The following ABTB2 variants were observed in gnomAD, a reference collection of about 807,000 sequenced individuals.
ABTB2 encodes the protein ankyrin repeat and BTB/POZ domain-containing protein 2.
ABTB2 carries 56 observed loss-of-function variants against 104.1 expected under a neutral mutation model. The ratio of observed to expected loss-of-function variants is 0.54; its 90% CI spans 0.43 to 0.67. The LOEUF is 0.67. Ranked by LOEUF, ABTB2 falls within the 30% of genes least tolerant of loss-of-function variation. The probability of loss-of-function intolerance (pLI) is 0.00; values close to 1 mark genes in which losing one functional copy is unlikely to be tolerated. For missense variants in ABTB2, 1,279 were observed against 1,407.7 expected (o/e 0.91, Z 1.46); for synonymous variants, 606 against 608.2 (o/e 1.00, Z 0.05).
At chr11:34,158,619 G>A (rs1393153331) in intron 14 of ABTB2, among the ~76,000 whole-genome samples, 2 of 152,236 alleles carry the variant, frequency 1.3e-5, no homozygotes, top group African/African-American at 4.8e-5. Flanking sequence ...GAGACCTGCA[G>A]TTGCTACTTT....
At chr11:34,230,494 G>A (rs1402847341) in intron 1 of ABTB2, among the ~76,000 whole-genome samples, 1 of 152,176 alleles carries the variant, frequency 6.6e-6, no homozygotes, top group Non-Finnish European at 1.5e-5. Context: ...TGGAACACAG[G>A]ATGGACTCAA....
intron 1 of ABTB2, among the ~76,000 whole-genome samples, chr11:34,245,172 T>A (rs890584375): frequency 4.6e-5 from 7 of 152,182 alleles, no homozygotes; most frequent in Admixed American, 4.6e-4. Context: ...CATCTCTGTC[T>A]CACATACATT....
intron 1 of ABTB2, among the ~76,000 whole-genome samples, chr11:34,307,548 C>T (rs1041655304): frequency 1.3e-5 from 2 of 152,206 alleles, no homozygotes; most frequent in Non-Finnish European, 2.9e-5. Context: ...ACGCCATAGA[C>T]CCTGTTCATG....
At chr11:34,270,046 G>A (rs1040869024) in intron 1 of ABTB2, among the ~76,000 whole-genome samples, 2 of 152,220 alleles carry the variant, frequency 1.3e-5, no homozygotes, top group African/African-American at 4.8e-5. Flanking sequence ...TGACCCATCA[G>A]CCAGAAACAC....
intron 1 of ABTB2, among the ~76,000 whole-genome samples, chr11:34,248,114 A>ATTTTTTTTTTTTTTTT (rs1363625721): frequency 2.8e-4 from 36 of 126,342 alleles, no homozygotes; most frequent in African/African-American, 1.1e-3. Flanking sequence ...AAAAAAAAAA[A>ATTTTTTTTTTTTTTTT]AAAAAAAACA....
At chr11:34,212,857 T>C (rs1853498569) in intron 1 of ABTB2, among the ~76,000 whole-genome samples, 1 of 152,172 alleles carries the variant, frequency 6.6e-6, no homozygotes, top group African/African-American at 2.4e-5. Context: ...GAGCTCACTG[T>C]TAAACAGTAA....
chr11:34,274,711 A>T (rs1854363951), intron 1 of ABTB2, among the ~76,000 whole-genome samples: 1 of 151,892 alleles, frequency 6.6e-6, no homozygotes, highest in South Asian at 2.1e-4. Flanking sequence ...TCTAGGTGGG[A>T]GGTATGAGGT....
rs1852598393 is a variant in ABTB2, at chr11:34,154,752, C to A, written c.2715G>T (p.Leu905=). 6.2e-7 allele frequency: 1 copy of A among 1,614,036 alleles called. No individual in the cohort carries two copies. The change falls in exon 15 of 17, where the codon CTG becomes CTT. Residue 905 remains leucine, a synonymous_variant. Transcript: ENST00000435224. This position sits in a 1 kb window ranked among gnomAD's most constrained non-coding sequence, Gnocchi z 4.9. ...YHIFQMMMQY[L]YYGGTESMEI... Reference sequence around the variant, plus strand: ...CCATGGATTCTGTTCCTCCGTAGTACAGATACTGCATCATCATCTGTGGTG... The same window carrying A: ...CCATGGATTCTGTTCCTCCGTAGTAAAGATACTGCATCATCATCTGTGGTG...
At chr11:34,175,116 G>A (rs1852946235) in intron 3 of ABTB2, among the ~76,000 whole-genome samples, 1 of 152,234 alleles carries the variant, frequency 6.6e-6, no homozygotes, top group Non-Finnish European at 1.5e-5. Context: ...CACCTCCAGG[G>A]AGTCAGCCTG....
At chr11:34,173,665 C>T (rs1852918576) in intron 3 of ABTB2, among the ~76,000 whole-genome samples, 1 of 152,156 alleles carries the variant, frequency 6.6e-6, no homozygotes, top group Non-Finnish European at 1.5e-5. Context: ...AGGGAAGGAG[C>T]AGTTCCCCAG....
chr11:34,165,491 G>A (rs754334211), intron 7 of ABTB2, 135 bp from the exon 8 acceptor site: 9 of 655,096 alleles, frequency 1.4e-5, no homozygotes, highest in Non-Finnish European at 2.3e-5. Context: ...CCCAGCAGCT[G>A]AGGAACTGGA....
At chr11:34,226,603 G>A (rs1853689986) in intron 1 of ABTB2, among the ~76,000 whole-genome samples, 1 of 152,158 alleles carries the variant, frequency 6.6e-6, no homozygotes, top group South Asian at 2.1e-4. Flanking sequence ...AGAGAAACTG[G>A]GCTCAGCGTT....
At chr11:34,275,185 A>C (rs573048760) in intron 1 of ABTB2, among the ~76,000 whole-genome samples, 82 of 152,352 alleles carry the variant, frequency 5.4e-4, no homozygotes, top group African/African-American at 1.9e-3. Context: ...TTTGTAATCT[A>C]TCTGGCTTGG....
At chr11:34,220,072 G>T (rs1228405853) in intron 1 of ABTB2, among the ~76,000 whole-genome samples, 2 of 152,232 alleles carry the variant, frequency 1.3e-5, no homozygotes, top group Non-Finnish European at 2.9e-5. Context: ...AGGGACTGAA[G>T]GGGTGGAGGA....
At chr11:34,307,756 T>C (rs1854795453) in intron 1 of ABTB2, among the ~76,000 whole-genome samples, 1 of 151,584 alleles carries the variant, frequency 6.6e-6, no homozygotes, top group South Asian at 2.1e-4. Context: ...TGGAGTGCAG[T>C]GGTGCGATCT....
At chr11:34,175,989 A>C (rs975262117) in intron 3 of ABTB2, among the ~76,000 whole-genome samples, 39 of 151,772 alleles carry the variant, frequency 2.6e-4, no homozygotes, top group African/African-American at 8.9e-4. Context: ...CACCCCCCCA[A>C]AAAAAAGGGG....
chr11:34,167,601 A>T (rs1852818965), intron 6 of ABTB2, among the ~76,000 whole-genome samples: 1 of 152,192 alleles, frequency 6.6e-6, no homozygotes, highest in South Asian at 2.1e-4. Context: ...AGCTAGAAGT[A>T]TTTGGGGATG....
Position 34,167,921 on chromosome 11 carries a change from C to T in ABTB2, c.1635G>A (p.Gly545=). 4 of 1,614,254 alleles carry T rather than the reference C, an allele frequency of 2.5e-6. No individual in the cohort carries two copies. The highest frequency in any genetic ancestry group is 3.4e-6 in the Non-Finnish European group (4 of 1,180,048). ...EAMVQMLIDA[G]ANLDIQVPSN... is the part of the protein sequence containing the mutation. ...TCCTCACCTGGATGTCCAAGTTTGC[C>T]CCAGCATCAATCAACATCTGGACCA... The change falls in exon 6 of 17, where the codon GGG becomes GGA. Residue 545 remains glycine, a synonymous_variant. Transcript: ENST00000435224.
intron 3 of ABTB2, among the ~76,000 whole-genome samples, chr11:34,174,443 C>T (rs1380290446): frequency 1.3e-5 from 2 of 152,246 alleles, no homozygotes; most frequent in Admixed American, 6.5e-5. Flanking sequence ...CAGGGAAAGG[C>T]GGCGGCAGGC....
Sources: gnomAD v4.1 joint callset for allele counts (sites outside exome capture counted in the v4.1 genomes callset) on GRCh38, gnomAD v4.1.1 for gene constraint, Gnocchi (gnomAD v3.1) non-coding constraint, MANE v1.5 for transcripts, NCBI Gene and HGNC (gene_info 2026-07-23, HGNC 2026-07-21) for gene names.